The following DYSF variants were observed in gnomAD, a reference collection of about 807,000 sequenced individuals.
The protein encoded by DYSF is dystrophy-associated fer-1-like 1.
Under a neutral mutation model 274.9 loss-of-function variants are expected in DYSF, and 212 were observed. That is an observed-to-expected ratio of 0.77 (90% CI 0.69 to 0.86). The LOEUF is 0.86. DYSF is among the 40% of genes least tolerant of loss of function. The pLI, the probability that DYSF is intolerant of heterozygous loss-of-function variation, is 0.00. For synonymous variants in DYSF, 1,091 were observed against 1,078.7 expected, an observed-to-expected ratio of 1.01 and a Z score of -0.22; for missense variants, 2,666 against 2,783.2, an observed-to-expected ratio of 0.96 and a Z score of 0.95.
At chr2:71,588,636 G>A (rs13405368) in intron 30 of DYSF, 63,759 of 152,086 alleles carry the variant, frequency 0.42, 13,723 homozygotes, top group East Asian at 0.64. Flanking sequence ...GTGTGTACAC[G>A]TTTGTGAGAT....
At chr2:71,480,401 C>T (rs1011426575) in intron 1 of DYSF, among the ~76,000 whole-genome samples, 4 of 151,336 alleles carry the variant, frequency 2.6e-5, no homozygotes, top group Non-Finnish European at 4.4e-5. Context: ...CACACACATA[C>T]ACACCAGCTT....
Position 71,551,146 on chromosome 2 carries a change from A to G in DYSF, c.1682A>G (p.Asn561Ser), listed in dbSNP as rs1559136774. ...TTCCCAGACCCCTACACAGAGCTCA[A>G]CACAGGCAAGGTAAGCCGGCTGGAG... ...TGFPDPYTEL[N>S]TGKGEGVAYR... Residue 561 changes from asparagine (N) to serine (S), a missense_variant, in exon 18 of 56, where the codon AAC becomes AGC. Asn to Ser is a conservative substitution (Grantham distance 46). This residue lies in a region of DYSF where 794 missense variants were observed against 777.1 expected (regional missense o/e 1.02). Transcript: ENST00000410020. 6.2e-7 allele frequency: 1 copy of G among 1,614,074 alleles called. No individual in the cohort carries two copies.
At chr2:71,659,930 C>T (rs982415) in intron 44 of DYSF, among the ~76,000 whole-genome samples, 129,335 of 152,320 alleles carry the variant, frequency 0.85, 55,063 homozygotes, top group Middle Eastern at 0.9. Flanking sequence ...AGGTGGTGGG[C>T]GGAGGCCTGG....
At chr2:71,521,506 G>A (rs867389277) in intron 12 of DYSF, among the ~76,000 whole-genome samples, 5 of 152,208 alleles carry the variant, frequency 3.3e-5, no homozygotes, top group African/African-American at 4.8e-5. Flanking sequence ...GCTCAGCAGC[G>A]CAGAAGCAGA....
At chr2:71,623,406 A>G (rs1179572572) in intron 41 of DYSF, among the ~76,000 whole-genome samples, 1 of 143,540 alleles carries the variant, frequency 7.0e-6, no homozygotes, top group Non-Finnish European at 1.5e-5. Context: ...ATTCCCACCT[A>G]TGAGCGAGAA....
At chr2:71,590,058 C>T (rs575166426) in intron 31 of DYSF, among the ~76,000 whole-genome samples, 153 bp from the exon 32 acceptor site, 3 of 152,276 alleles carry the variant, frequency 2.0e-5, no homozygotes, top group African/African-American at 7.2e-5. Flanking sequence ...GTGGTCTGTT[C>T]TCCTGACCTC....
At chr2:71,595,156 AG>A (rs1259508091) in intron 32 of DYSF, among the ~76,000 whole-genome samples, 5 of 152,236 alleles carry the variant, frequency 3.3e-5, no homozygotes, top group African/African-American at 9.6e-5. Flanking sequence ...GCTTTTCTGA[AG>A]GGTTGCTGAA....
intron 3 of DYSF, among the ~76,000 whole-genome samples, chr2:71,500,558 G>T (rs1444645435): frequency 6.6e-6 from 1 of 152,104 alleles, no homozygotes; most frequent in African/African-American, 2.4e-5. Flanking sequence ...AGGGGTGGGG[G>T]TGCTACTTCC....
chr2:71,495,836 G>T (rs1210704899), intron 3 of DYSF, among the ~76,000 whole-genome samples: 2 of 152,006 alleles, frequency 1.3e-5, no homozygotes, highest in African/African-American at 2.4e-5. Context: ...TGGAGGCAGG[G>T]CCCTAAAAGA....
At position 71,565,637 on chromosome 2, in the gene DYSF, CTTG is replaced by C. The variant is rs530706468; in HGVS notation, c.2565+1429_2565+1431del. Among the ~76,000 whole-genome samples the C allele has an allele frequency of 1.6e-4, 24 of 152,320 alleles. No homozygotes were observed. In the South Asian group the frequency reaches 3.9e-3, roughly 25 times the overall value. On this transcript the variant is annotated intron_variant, in intron 24 of 55. Coordinates refer to ENST00000410020, the MANE Select transcript of DYSF (RefSeq NM_001130987.2). ...ATGCATTCATATATTGGCCAGTCCTCTTGTTGTCCCCTGGGGGGTGTGGAGAGG... is the reference window on the plus strand; with the variant it reads ...ATGCATTCATATATTGGCCAGTCCTCTTGTCCCCTGGGGGGTGTGGAGAGG...
rs565682800 is a variant in DYSF, at chr2:71,584,907, A to G, written c.3403-4686A>G. Reference sequence around the variant, plus strand: ...TCCCTGCATAAAGGCCCTGTGGCAGAGGAAAGGTTATGAATTCAAGAAATT... The same window carrying G: ...TCCCTGCATAAAGGCCCTGTGGCAGGGGAAAGGTTATGAATTCAAGAAATT... On this transcript the variant is annotated intron_variant, in intron 30 of 55. Transcript: ENST00000410020. 2.6e-5 allele frequency among the ~76,000 whole-genome samples: 4 copies of G among 152,352 alleles called. No individual in the cohort carries two copies. The South Asian group carries it at 8.3e-4, about 32-fold the overall frequency.
At chr2:71,536,231 G>T (rs2089323972) in intron 16 of DYSF, among the ~76,000 whole-genome samples, 1 of 152,184 alleles carries the variant, frequency 6.6e-6, no homozygotes, top group African/African-American at 2.4e-5. Flanking sequence ...TCCCCAGCGT[G>T]TTCTCCTCTG....
At chr2:71,667,331 CGCTT>C in intron 47 of DYSF, 41 bp from the exon 48 acceptor site, 1 of 1,613,294 alleles carries the variant, frequency 6.2e-7, no homozygotes, top group Non-Finnish European at 8.5e-7. Context: ...CATTATCTCT[CGCTT>C]CCCCAGCTCC....
At chr2:71,667,214 G>A (rs1434016739) in intron 47 of DYSF, among the ~76,000 whole-genome samples, 162 bp from the exon 48 acceptor site, 1 of 152,198 alleles carries the variant, frequency 6.6e-6, no homozygotes, top group Non-Finnish European at 1.5e-5. Flanking sequence ...TCAAAAGTGA[G>A]ACATGAGGAC....
chr2:71,678,748 C>T (rs758746788), intron 52 of DYSF, among the ~76,000 whole-genome samples: 12 of 152,094 alleles, frequency 7.9e-5, no homozygotes, highest in South Asian at 4.2e-4. Context: ...TGTTTATAGA[C>T]GGTGTATGAA....
chr2:71,530,510 G>A (rs954368436), intron 14 of DYSF, among the ~76,000 whole-genome samples: 2 of 152,160 alleles, frequency 1.3e-5, no homozygotes, highest in Non-Finnish European at 2.9e-5. Context: ...TCTAGGGGGA[G>A]GTGAAAGGAC....
At position 71,551,609 on chromosome 2, in the gene DYSF, G is replaced by A. The variant is rs763960428; in HGVS notation, c.1695G>A (p.Gly565=). 1 of 1,604,714 alleles carries A rather than the reference G, an allele frequency of 6.2e-7. No individual in the cohort carries two copies. Among genetic ancestry groups the A allele is most frequent in the Non-Finnish European group, 8.5e-7 (1 of 1,177,218 alleles). The part of the protein sequence containing the change: ...DPYTELNTGK[G]EGVAYRGRLL... ...TTGTGACCTGACCTCCCTGGCAGGG[G>A]GAAGGTGTGGCTTATCGTGGCCGGC... is the stretch of plus-strand genomic sequence containing the variant. The change falls in exon 19 of 56, where the codon GGG becomes GGA. Residue 565 remains glycine, a splice_region_variant and synonymous_variant. Transcript: ENST00000410020.
intron 3 of DYSF, among the ~76,000 whole-genome samples, chr2:71,486,964 G>A (rs1422521043): frequency 1.3e-5 from 2 of 152,146 alleles, no homozygotes; most frequent in Admixed American, 1.3e-4. Context: ...CCCAATTCAG[G>A]CCACACAATA....
intron 11 of DYSF, 59 bp from the exon 12 acceptor site, chr2:71,520,730 G>A (rs1284002595): frequency 6.6e-7 from 1 of 1,509,140 alleles, no homozygotes; most frequent in African/African-American, 1.4e-5. Context: ...GTTCCCGGAT[G>A]TGGCCACAGC....
Sources: gnomAD v4.1 joint callset for allele counts (sites outside exome capture counted in the v4.1 genomes callset) on GRCh38, gnomAD v4.1.1 for gene constraint, gnomAD v4.1.1 regional missense constraint, MANE v1.5 for transcripts, NCBI Gene and HGNC (gene_info 2026-07-23, HGNC 2026-07-21) for gene names.